DOCK4: variants seen among roughly 807,000 people sequenced by gnomAD.
DOCK4 encodes the protein dedicator of cytokinesis protein 4.
A neutral mutation model predicts 268.1 loss-of-function variants in DOCK4; 97 were observed. That is an observed-to-expected ratio of 0.36 (90% CI 0.31 to 0.43). The LOEUF (loss-of-function observed/expected upper bound fraction) is 0.43. Ranked by LOEUF, DOCK4 falls within the 20% of genes least tolerant of loss-of-function variation. The pLI is 1.00. For synonymous variants in DOCK4, 954 were observed against 887.2 expected, an observed-to-expected ratio of 1.08 and a Z score of -1.34; for missense variants, 2,145 against 2,455.7, an observed-to-expected ratio of 0.87 and a Z score of 2.67.
intron 1 of DOCK4, among the ~76,000 whole-genome samples, chr7:112,066,732 T>TACAC (rs1807090456): frequency 9.4e-6 from 1 of 106,706 alleles, no homozygotes; most frequent in South Asian, 2.9e-4. Context: ...TATATATATA[T>TACAC]ATATATATAT....
intron 1 of DOCK4, among the ~76,000 whole-genome samples, chr7:112,085,161 G>A (rs1808961754): frequency 6.6e-6 from 1 of 152,022 alleles, no homozygotes; most frequent in Non-Finnish European, 1.5e-5. Flanking sequence ...GATTTAACAT[G>A]GTAACATTTG....
intron 1 of DOCK4, among the ~76,000 whole-genome samples, chr7:112,043,026 T>C (rs891592626): frequency 2.0e-5 from 3 of 152,206 alleles, no homozygotes; most frequent in Non-Finnish European, 4.4e-5. Flanking sequence ...CCTCACCTGA[T>C]GTGGCCACTC....
intron 1 of DOCK4, among the ~76,000 whole-genome samples, chr7:112,117,314 T>C (rs929942612): frequency 2.0e-5 from 3 of 152,250 alleles, no homozygotes. Context: ...TCATAACCAT[T>C]GAACATGTGT....
At chr7:112,087,639 T>C (rs541243872) in intron 1 of DOCK4, among the ~76,000 whole-genome samples, 2 of 152,082 alleles carry the variant, frequency 1.3e-5, no homozygotes, top group Non-Finnish European at 2.9e-5. Context: ...GAAAAAAAGA[T>C]ATCGTTATCT....
intron 29 of DOCK4, 66 bp downstream of exon 29, chr7:111,809,235 G>C: frequency 1.6e-6 from 2 of 1,257,160 alleles, no homozygotes; most frequent in Non-Finnish European, 1.1e-6. Context: ...TCTGATTTAT[G>C]AATCATTTGA....
At chr7:111,795,249 C>G (rs150696998) in intron 30 of DOCK4, among the ~76,000 whole-genome samples, 6 of 152,024 alleles carry the variant, frequency 3.9e-5, no homozygotes, top group Admixed American at 2.0e-4. Context: ...AGGAGGATCA[C>G]GGAAGCCCAA....
intron 1 of DOCK4, among the ~76,000 whole-genome samples, chr7:112,009,985 G>A (rs1197642607): frequency 2.0e-5 from 3 of 152,020 alleles, no homozygotes; most frequent in African/African-American, 7.2e-5. Flanking sequence ...CCTGGCTAAT[G>A]TTTGTATATT....
rs372170580 is a variant in DOCK4 at position 112,056,903 on chromosome 7, G to A, written c.38-52772C>T. ...AATCAGGAAAACTTTTTAATATATA[G>A]TTTTAATATTTTATTAAACATAACT... On this transcript the variant is annotated intron_variant, in intron 1 of 52. Transcript: ENST00000428084. 8.5e-5 allele frequency among the ~76,000 whole-genome samples: 13 copies of A among 152,112 alleles called. No homozygotes were observed. In the East Asian group the frequency reaches 2.3e-3, roughly 27 times the overall value.
chr7:112,081,913 C>T (rs75938114), intron 1 of DOCK4, among the ~76,000 whole-genome samples: 4,005 of 152,120 alleles, frequency 0.026, 200 homozygotes, highest in African/African-American at 0.092. Flanking sequence ...GCTCATGAGT[C>T]CAGAGACAGA....
At chr7:111,838,201 C>G (rs1433746059) in intron 25 of DOCK4, among the ~76,000 whole-genome samples, 2 of 150,734 alleles carry the variant, frequency 1.3e-5, no homozygotes, top group African/African-American at 2.4e-5. Flanking sequence ...AATTGAAAGG[C>G]TGATCTAACT....
At chr7:112,116,711 G>A (rs1188136461) in intron 1 of DOCK4, among the ~76,000 whole-genome samples, 7 of 152,178 alleles carry the variant, frequency 4.6e-5, no homozygotes, top group Non-Finnish European at 8.8e-5. Context: ...TTATATTTTT[G>A]TAAATATCAA....
intron 1 of DOCK4, among the ~76,000 whole-genome samples, chr7:112,178,689 A>C (rs541400093): frequency 3.3e-5 from 5 of 152,228 alleles, no homozygotes; most frequent in Non-Finnish European, 7.3e-5. Flanking sequence ...TTCTGATAGC[A>C]GCTAGTCACA....
Position 111,897,029 on chromosome 7 carries a change from C to A in DOCK4, c.1481-1311G>T, listed in dbSNP as rs117305940. On this transcript the variant is annotated intron_variant, in intron 15 of 52. Transcript: ENST00000428084. ...TTGAATCTACAGGTTCATTTAAGAA[C>A]AACTGACATCTTGACGACATTGAGT... Among the ~76,000 whole-genome samples the A allele has an allele frequency of 6.7e-3, 1,014 of 152,230 alleles. 6 individuals are homozygous for A. The highest frequency in any genetic ancestry group is 9.6e-3 in the Non-Finnish European group (654 of 68,002).
At chr7:111,730,443 T>C (rs1795003681) in intron 52 of DOCK4, among the ~76,000 whole-genome samples, 1 of 152,194 alleles carries the variant, frequency 6.6e-6, no homozygotes, top group Admixed American at 6.5e-5. Context: ...TTGACTTTGG[T>C]TTCTCTTTGT....
rs1386647745 is a variant in DOCK4 at position 111,728,219 on chromosome 7, ACTT to A, written c.*52_*54del. On this transcript the variant is annotated 3_prime_UTR_variant, in exon 53 of 53. Coordinates refer to ENST00000428084, the MANE Select transcript of DOCK4 (RefSeq NM_001363540.2). ...CCTACACTAAATGTCTTCTCATCAT[ACTT>A]CTTATTTTGTAAACGGGCAAAGAAT... 21 of 1,349,638 alleles carry A rather than the reference ACTT, an allele frequency of 1.6e-5. No homozygotes were observed. The Middle Eastern group carries it at 7.7e-4, about 50-fold the overall frequency. The allele number at this position is 1,349,638 out of a possible 1,614,324, so 83.6% of individuals were successfully genotyped here. A position where few individuals can be genotyped will look rare whatever the true frequency, so the allele number is the denominator to read the frequency against.
At chr7:111,995,875 G>A (rs1200745139) in intron 4 of DOCK4, among the ~76,000 whole-genome samples, 2 of 152,064 alleles carry the variant, frequency 1.3e-5, no homozygotes, top group African/African-American at 4.8e-5. Flanking sequence ...ATGTAAAACT[G>A]GGATTTTAAA....
intron 1 of DOCK4, among the ~76,000 whole-genome samples, chr7:112,022,317 T>C (rs1020121551): frequency 6.6e-6 from 1 of 152,220 alleles, no homozygotes; most frequent in Non-Finnish European, 1.5e-5. Context: ...CTTATCTGTA[T>C]TTTATAGATG....
At chr7:112,055,072 G>A (rs1054194480) in intron 1 of DOCK4, among the ~76,000 whole-genome samples, 3 of 152,134 alleles carry the variant, frequency 2.0e-5, no homozygotes, top group Non-Finnish European at 4.4e-5. Context: ...CTTAGAAACT[G>A]CGACTTTCAG....
At chr7:111,904,306 C>T (rs1005079533) in intron 13 of DOCK4, among the ~76,000 whole-genome samples, 1 of 152,160 alleles carries the variant, frequency 6.6e-6, no homozygotes, top group African/African-American at 2.4e-5. Context: ...AGCAAAAATT[C>T]TTTCCCCAGA....
Sources: gnomAD v4.1 joint callset for allele counts (sites outside exome capture counted in the v4.1 genomes callset) on GRCh38, gnomAD v4.1.1 for gene constraint, MANE v1.5 for transcripts, NCBI Gene and HGNC (gene_info 2026-07-23, HGNC 2026-07-21) for gene names.